P2RX4: variants seen among roughly 807,000 people sequenced by gnomAD.
P2RX4 encodes the protein P2X purinoceptor 4.
P2RX4 carries 37 observed loss-of-function variants against 48.0 expected under a neutral mutation model. The observed-to-expected ratio is 0.77, with a 90% CI of 0.59 to 1.01. The LOEUF is 1.01. P2RX4 is among the 50% of genes least tolerant of loss of function. The pLI, the probability that P2RX4 is intolerant of heterozygous loss-of-function variation, is 0.00. For synonymous variants in P2RX4, 200 were observed against 199.7 expected, an observed-to-expected ratio of 1.00 and a Z score of -0.01; for missense variants, 501 against 521.4, an observed-to-expected ratio of 0.96 and a Z score of 0.38.
chr12:121,210,141 G>C lies in P2RX4; in HGVS notation c.-24G>C. On this transcript the variant is annotated 5_prime_UTR_variant, in exon 1 of 12. Transcript: ENST00000337233. ...GGGACTGGGACCCAGACCGACTAGG[G>C]GACTGGGAGCGGGCGGCGCGGCCAT... 1 of 1,514,028 alleles carries C rather than the reference G, an allele frequency of 6.6e-7. No homozygotes were observed. The highest frequency in any genetic ancestry group is 8.8e-7 in the Non-Finnish European group (1 of 1,137,730). 93.8% of individuals were successfully genotyped at this position (1,514,028 alleles called of 1,614,324 possible).
intron 1 of P2RX4, chr12:121,214,270 C>T (rs1004751932): frequency 1.3e-5 from 2 of 151,990 alleles, no homozygotes; most frequent in African/African-American, 2.4e-5. Flanking sequence ...TTCCTTATGA[C>T]GCATTCACTA....
At chr12:121,222,203 G>A (rs200163940) in intron 4 of P2RX4, 37 bp downstream of exon 4, 3 of 1,389,238 alleles carry the variant, frequency 2.2e-6, no homozygotes, top group East Asian at 4.6e-5. Flanking sequence ...GGCGGCCCCT[G>A]AGCAGATCGC....
At position 121,221,960 on chromosome 12, in the gene P2RX4, C is replaced by A. The variant is rs151045722; in HGVS notation, c.330C>A (p.Asn110Lys). The A allele has an allele frequency of 5.6e-6, 9 of 1,614,128 alleles. No individual in the cohort carries two copies. The African/African-American group carries it at 6.7e-5, about 12-fold the overall frequency. Residue 110 changes from asparagine to lysine, a missense_variant, in exon 3 of 12, where the codon AAC becomes AAA. Coordinates refer to ENST00000337233, the MANE Select transcript of P2RX4 (RefSeq NM_002560.3). ...FVMTNVILTM[N>K]QTQGLCPEIP... ...TGACCAACGTGATCCTCACCATGAA[C>A]CAGACACAGGGCCTGTGCCCCGAGG...
At chr12:121,222,810 G>C in intron 4 of P2RX4, 137 bp from the exon 5 acceptor site, 2 of 1,521,988 alleles carry the variant, frequency 1.3e-6, no homozygotes, top group African/African-American at 1.4e-5. Flanking sequence ...CAGTGACACT[G>C]TCTAAATCCC....
chr12:121,226,975 C>T (rs1316666929), intron 5 of P2RX4, among the ~76,000 whole-genome samples: 5 of 151,940 alleles, frequency 3.3e-5, no homozygotes, highest in African/African-American at 9.7e-5. Context: ...ATTAGCCAGG[C>T]GTGGTGGTGC....
At chr12:121,219,901 C>G (rs1478884999) in intron 2 of P2RX4, among the ~76,000 whole-genome samples, 4 of 151,884 alleles carry the variant, frequency 2.6e-5, no homozygotes, top group African/African-American at 9.7e-5. Context: ...GGATGGACAC[C>G]AGCCCCCAAT....
In P2RX4 at chr12:121,210,275, G is replaced by A; in HGVS notation, c.111G>A (p.Leu37=). 6.4e-7 allele frequency: 1 copy of A among 1,553,974 alleles called. No individual in the cohort carries two copies. Among genetic ancestry groups the A allele is most frequent in the South Asian group, 1.2e-5 (1 of 84,576 alleles). ...KVGLMNRAVQ[L]LILAYVIGWV... is the part of the protein sequence containing the mutation. Reference sequence around the variant, plus strand: ...GGCTCATGAACCGCGCCGTGCAACTGCTCATCCTGGCCTACGTCATCGGGT... The same window carrying A: ...GGCTCATGAACCGCGCCGTGCAACTACTCATCCTGGCCTACGTCATCGGGT... The change falls in exon 1 of 12, where the codon CTG becomes CTA. Residue 37 remains leucine, a synonymous_variant. Coordinates refer to ENST00000337233, the MANE Select transcript of P2RX4 (RefSeq NM_002560.3).
intron 2 of P2RX4, among the ~76,000 whole-genome samples, chr12:121,221,062 C>A (rs1886562477): frequency 6.6e-6 from 1 of 152,020 alleles, no homozygotes; most frequent in African/African-American, 2.4e-5. Flanking sequence ...CCTCCACCTC[C>A]CAGGTTCCAG....
intron 1 of P2RX4, chr12:121,216,036 A>AAT (rs59893988): frequency 0.36 from 54,274 of 151,976 alleles, 9,948 homozygotes; most frequent in African/African-American, 0.4. Flanking sequence ...CTGGAAGGAG[A>AAT]AATTATCTTG....
intron 1 of P2RX4, among the ~76,000 whole-genome samples, chr12:121,212,622 T>C (rs1237570844): frequency 6.7e-6 from 1 of 149,932 alleles, no homozygotes; most frequent in Non-Finnish European, 1.5e-5. Context: ...ACCCCGTCTC[T>C]ACTAAAAGTA....
intron 5 of P2RX4, among the ~76,000 whole-genome samples, chr12:121,225,449 C>T (rs1886921479): frequency 6.6e-6 from 1 of 151,926 alleles, no homozygotes; most frequent in South Asian, 2.1e-4. Flanking sequence ...CTCGCTCTGT[C>T]GCCCAGGCTG....
intron 6 of P2RX4, 52 bp from the exon 7 acceptor site, chr12:121,228,673 C>G (rs3815989): frequency 1.2e-6 from 2 of 1,612,750 alleles, no homozygotes; most frequent in East Asian, 2.2e-5. Flanking sequence ...TGGCTCTTCT[C>G]TCTTCTCTGA....
chr12:121,232,814 C>G lies in P2RX4; in HGVS notation c.1044+138C>G. The G allele has an allele frequency of 1.1e-6, 1 of 900,206 alleles. No homozygotes were observed. The highest frequency in any genetic ancestry group is 1.8e-6 in the Non-Finnish European group (1 of 544,516). The allele number at this position is 900,206 out of a possible 1,614,324, so 55.8% of individuals were successfully genotyped here. ...CTACCTTCTTTCCCTTGGCCCCCAG[C>G]CCTCCTCCCACCTTCCCTTCTCCAA... On this transcript the variant is annotated intron_variant, in intron 10 of 11. Transcript: ENST00000337233. This position sits in a 1 kb window ranked among gnomAD's most constrained non-coding sequence, Gnocchi z 4.3.
chr12:121,224,783 A>C (rs1339718997), intron 5 of P2RX4, among the ~76,000 whole-genome samples: 1 of 152,052 alleles, frequency 6.6e-6, no homozygotes, highest in Non-Finnish European at 1.5e-5. Flanking sequence ...CCGAGAGCTC[A>C]GACCGAGGTC....
In P2RX4 at chr12:121,228,468, T is replaced by TATATAA. The variant is rs1887132186; in HGVS notation, c.525-62_525-61insTAAATA. On this transcript the variant is annotated intron_variant, in intron 5 of 11. Transcript: ENST00000337233. ...ATATATATGTGTGTATATATATATA[T>TATATAA]ATAACATGGTTATGTGAGTATTTGT... The TATATAA allele has an allele frequency of 3.4e-6, 3 of 884,516 alleles. No homozygotes were observed. The South Asian group carries it at 4.5e-5, about 13-fold the overall frequency. The allele number at this position is 884,516 out of a possible 1,614,324, so 54.8% of individuals were successfully genotyped here. A position where few individuals can be genotyped will look rare whatever the true frequency, so the allele number is the denominator to read the frequency against.
rs1179473441 is a variant in P2RX4 at position 121,223,003 on chromosome 12, G to T, written c.484G>T (p.Ala162Ser). Residue 162 changes from alanine (A) to serine (S), a missense_variant, in exon 5 of 12, where the codon GCG (alanine) becomes TCG (serine). Around this residue, in one of 3 missense-constraint regions of P2RX4, gnomAD observed 295 missense variants for 275.3 expected, o/e 1.07. Coordinates refer to ENST00000337233, the MANE Select transcript of P2RX4 (RefSeq NM_002560.3). ...CGGGTCTGTCAAGACGTGTGAGGTG[G>T]CGGCCTGGTGCCCGGTGGAGGATGA... ...FNGSVKTCEV[A>S]AWCPVEDDTH... 1 of 1,613,606 alleles carries T rather than the reference G, an allele frequency of 6.2e-7. No individual in the cohort carries two copies. Among genetic ancestry groups the T allele is most frequent in the Admixed American group, 1.7e-5 (1 of 60,014 alleles).
chr12:121,220,197 T>C (rs943584515), intron 2 of P2RX4, among the ~76,000 whole-genome samples: 32 of 152,292 alleles, frequency 2.1e-4, no homozygotes, highest in African/African-American at 7.5e-4. Context: ...ATGTTTTTAT[T>C]CCTCTGAGAT....
intron 4 of P2RX4, chr12:121,222,398 GTTTTT>G: frequency 2.3e-6 from 1 of 425,550 alleles, no homozygotes; most frequent in Non-Finnish European, 4.2e-6. Context: ...GTTTTTTCTT[GTTTTT>G]TTTTTTGTTT....
chr12:121,222,004 A>G lies in P2RX4; in HGVS notation c.354+20A>G. ...CCCGAGGTAGGAGGCCCCCGGGAAG[A>G]GCCCCAGGCCCCACACCCCTCTCCA... On this transcript the variant is annotated intron_variant, in intron 3 of 11. Coordinates refer to ENST00000337233, the MANE Select transcript of P2RX4 (RefSeq NM_002560.3). The G allele has an allele frequency of 1.2e-6, 2 of 1,611,932 alleles. No homozygotes were observed. The highest frequency in any genetic ancestry group is 1.7e-6 in the Non-Finnish European group (2 of 1,177,970).
Sources: gnomAD v4.1 joint callset for allele counts (sites outside exome capture counted in the v4.1 genomes callset) on GRCh38, gnomAD v4.1.1 for gene constraint, gnomAD v4.1.1 regional missense constraint, Gnocchi (gnomAD v3.1) non-coding constraint, MANE v1.5 for transcripts, NCBI Gene and HGNC (gene_info 2026-07-23, HGNC 2026-07-21) for gene names.